FTO: variants seen among roughly 807,000 people sequenced by gnomAD.
FTO encodes alpha-ketoglutarate-dependent dioxygenase FTO.
A neutral mutation model predicts 63.9 loss-of-function variants in FTO; 47 were observed. The ratio of observed to expected loss-of-function variants is 0.74; its 90% CI spans 0.58 to 0.94. FTO has a LOEUF of 0.94. Ranked by LOEUF, FTO falls within the 40% of genes least tolerant of loss-of-function variation. The pLI, the probability that FTO is intolerant of heterozygous loss-of-function variation, is 0.00. For synonymous variants in FTO, 207 were observed against 224.4 expected (o/e 0.92, Z 0.69); for missense variants, 562 against 618.1 (o/e 0.91, Z 0.96).
At chr16:53,763,448 G>A (rs1414018650) in intron 1 of FTO, among the ~76,000 whole-genome samples, 1 of 152,110 alleles carries the variant, frequency 6.6e-6, no homozygotes, top group Non-Finnish European at 1.5e-5. Context: ...TTGCTTTCTA[G>A]TTGTGGAAGA....
chr16:53,988,542 C>A (rs1298209662), intron 8 of FTO, among the ~76,000 whole-genome samples: 1 of 152,148 alleles, frequency 6.6e-6, no homozygotes, highest in Non-Finnish European at 1.5e-5. Flanking sequence ...AGGAAATATT[C>A]TACCCATGTC....
chr16:53,937,390 G>T (rs932412812), intron 8 of FTO: 8 of 396,288 alleles, frequency 2.0e-5, no homozygotes, highest in Non-Finnish European at 3.1e-5. Context: ...AGCTTTTAAA[G>T]AACTGGGCGA....
chr16:53,734,438 G>C (rs1426100926), intron 1 of FTO, among the ~76,000 whole-genome samples: 1 of 152,218 alleles, frequency 6.6e-6, no homozygotes, highest in East Asian at 1.9e-4. Context: ...TCTTCCCCTA[G>C]AATAGAAAAG....
chr16:53,896,853 C>T (rs2081290018), intron 7 of FTO, among the ~76,000 whole-genome samples: 2 of 152,274 alleles, frequency 1.3e-5, no homozygotes, highest in South Asian at 4.1e-4. Flanking sequence ...GCTCCTCTTG[C>T]AATGCGTCTA....
At chr16:53,787,110 CAAAAAAA>C (rs35391915) in intron 1 of FTO, among the ~76,000 whole-genome samples, 9 of 56,172 alleles carry the variant, frequency 1.6e-4, no homozygotes, top group East Asian at 7.0e-4. Context: ...GACTCCTTCT[CAAAAAAA>C]AAAAAAAAAA....
chr16:53,941,619 G>A (rs912659900), intron 8 of FTO, among the ~76,000 whole-genome samples: 1 of 152,164 alleles, frequency 6.6e-6, no homozygotes, highest in Non-Finnish European at 1.5e-5. Flanking sequence ...GGCTGAGGCG[G>A]GCAGATTGCT....
intron 8 of FTO, among the ~76,000 whole-genome samples, chr16:54,042,835 C>CA (rs2085115569): frequency 1.4e-5 from 1 of 72,580 alleles, no homozygotes; most frequent in South Asian, 5.8e-4. Flanking sequence ...AGGCACCCCC[C>CA]AGCAGGGGCA....
intron 7 of FTO, among the ~76,000 whole-genome samples, chr16:53,917,774 G>A (rs2081912905): frequency 6.6e-6 from 1 of 151,282 alleles, no homozygotes; most frequent in Non-Finnish European, 1.5e-5. Context: ...CATCTCCTCT[G>A]GGTAAATATG....
At chr16:54,103,894 A>G (rs2086691047) in intron 8 of FTO, among the ~76,000 whole-genome samples, 1 of 152,220 alleles carries the variant, frequency 6.6e-6, no homozygotes, top group Non-Finnish European at 1.5e-5. Flanking sequence ...TGGTGAGACT[A>G]TGAAAAACAG....
At chr16:54,033,899 G>A (rs150494748) in intron 8 of FTO, 1 of 152,300 alleles carries the variant, frequency 6.6e-6, no homozygotes, top group African/African-American at 2.4e-5. Flanking sequence ...AGTCCTGTAA[G>A]CTCCAAACAA....
intron 4 of FTO, among the ~76,000 whole-genome samples, chr16:53,865,856 A>G (rs1428398191): frequency 6.6e-6 from 1 of 152,100 alleles, no homozygotes; most frequent in East Asian, 1.9e-4. Flanking sequence ...AACATACTCT[A>G]ATTGTTTCCT....
chr16:53,966,599 G>C (rs1201802590), intron 8 of FTO, among the ~76,000 whole-genome samples: 2 of 152,104 alleles, frequency 1.3e-5, no homozygotes, highest in Non-Finnish European at 2.9e-5. Flanking sequence ...TGTTGATCTT[G>C]GTTTCAGTTG....
intron 8 of FTO, among the ~76,000 whole-genome samples, chr16:53,985,480 A>T (rs1288902739): frequency 6.6e-6 from 1 of 152,138 alleles, no homozygotes; most frequent in Non-Finnish European, 1.5e-5. Flanking sequence ...AAAGAAAAAA[A>T]TTTTCCCACA....
chr16:53,737,034 G>A (rs866597437), intron 1 of FTO, among the ~76,000 whole-genome samples: 7 of 152,128 alleles, frequency 4.6e-5, no homozygotes, highest in Admixed American at 4.6e-4. Flanking sequence ...TGGCCATTGC[G>A]TTGGTATACT....
intron 1 of FTO, among the ~76,000 whole-genome samples, chr16:53,765,028 G>A (rs2077166564): frequency 6.6e-6 from 1 of 151,970 alleles, no homozygotes; most frequent in African/African-American, 2.4e-5. Flanking sequence ...CCTGTCTGTT[G>A]TTAAATTCTA....
At chr16:53,955,753 C>T (rs547313391) in intron 8 of FTO, among the ~76,000 whole-genome samples, 1 of 152,154 alleles carries the variant, frequency 6.6e-6, no homozygotes, top group East Asian at 1.9e-4. Context: ...AGTTAAATAA[C>T]ATTGACCATA....
intron 1 of FTO, among the ~76,000 whole-genome samples, chr16:53,754,206 G>T (rs755033212): frequency 6.6e-6 from 1 of 152,148 alleles, no homozygotes; most frequent in African/African-American, 2.4e-5. Context: ...GAGTCAGGCC[G>T]TCCTATAGCA....
rs569494419 is a variant in FTO, at chr16:54,038,860, C to T, written c.1365-72902C>T. Among the ~76,000 whole-genome samples, 244 of 152,278 alleles carry T rather than the reference C, an allele frequency of 1.6e-3. 2 individuals carry two copies. The highest frequency in any genetic ancestry group is 0.01 in the Middle Eastern group (3 of 294). ...CCTGTAGAACCATAAGCCAAATTAA[C>T]CTCTTTTCTTTGTAAACTATCCAGT... On this transcript the variant is annotated intron_variant, in intron 8 of 8. Coordinates refer to ENST00000471389, the MANE Select transcript of FTO (RefSeq NM_001080432.3).
chr16:53,868,497 C>G (rs1215937219), intron 4 of FTO, among the ~76,000 whole-genome samples: 2 of 152,012 alleles, frequency 1.3e-5, no homozygotes, highest in East Asian at 3.9e-4. Context: ...TTTCTCTCAT[C>G]TCTTATACTC....
Sources: allele counts gnomAD v4.1 joint callset (sites outside exome capture counted in the v4.1 genomes callset), GRCh38; gene constraint gnomAD v4.1.1; transcripts MANE v1.5; gene names NCBI Gene and HGNC (gene_info 2026-07-23, HGNC 2026-07-21).